ZNF677: variants seen among roughly 807,000 people sequenced by gnomAD.
ZNF677 encodes hypothetical protein MGC48625.
ZNF677 carries 5 observed loss-of-function variants against 8.1 expected under a neutral mutation model. That is an observed-to-expected ratio of 0.62 (90% CI 0.32 to 1.29). ZNF677 has a LOEUF of 1.29. ZNF677 is among the 50% of genes most tolerant of loss of function. The pLI is 0.05. For synonymous variants in ZNF677, 221 were observed against 225.6 expected, an observed-to-expected ratio of 0.98 and a Z score of 0.18; for missense variants, 685 against 685.9, an observed-to-expected ratio of 1.00 and a Z score of 0.01.
intron 2 of ZNF677, 136 bp downstream of exon 2, chr19:53,252,950 C>T (rs529442714): frequency 4.6e-5 from 7 of 152,146 alleles, no homozygotes; most frequent in Non-Finnish European, 8.8e-5. Context: ...GACCAGAAGT[C>T]TACTGAAAAC....
chr19:53,251,929 T>C (rs903388197), intron 2 of ZNF677, among the ~76,000 whole-genome samples: 1 of 152,178 alleles, frequency 6.6e-6, no homozygotes. Flanking sequence ...TGTCAGTCAA[T>C]GCAGGATATA....
At chr19:53,243,579 G>T in intron 4 of ZNF677, 165 bp downstream of exon 4, 2 of 843,772 alleles carry the variant, frequency 2.4e-6, no homozygotes, top group East Asian at 2.7e-5. Context: ...AACTTCTGAA[G>T]AAAGGGGAAG....
Position 53,237,589 on chromosome 19 carries a change from A to C in ZNF677, c.1138T>G (p.Cys380Gly). ...GAACGTTCAGCAAAGGCTTTGTCAC[A>C]TTCATTACATTTGTAAGGTTTCTCT... Reference protein sequence around the residue: ...TGEKPYKCNECDKAFAERSSL... With the variant: ...TGEKPYKCNEGDKAFAERSSL... Residue 380 changes from cysteine (C) to glycine (G), a missense_variant, in exon 5 of 5, where the codon TGT becomes GGT. By Grantham distance (159) the Cys-to-Gly change is radical. Transcript: ENST00000598513. 2 of 1,613,758 alleles carry C rather than the reference A, an allele frequency of 1.2e-6. No homozygotes were observed. The highest frequency in any genetic ancestry group is 1.1e-5 in the South Asian group (1 of 91,056).
At position 53,237,298 on chromosome 19, in the gene ZNF677, G is replaced by A. The variant is rs1200048537; in HGVS notation, c.1429C>T (p.His477Tyr). The A allele has an allele frequency of 6.2e-7, 1 of 1,613,118 alleles. No homozygotes were observed. Among genetic ancestry groups the A allele is most frequent in the Non-Finnish European group, 8.5e-7 (1 of 1,179,678 alleles). ...TTCTCTCCAGTATGAGTTCTCTGAT[G>A]ACCCCAAAGGTGTGAACGTTTGATA... ...AFIKRSHLWGHQRTHTGEKPY... is the reference protein window; with the variant it reads ...AFIKRSHLWGYQRTHTGEKPY... Residue 477 changes from histidine to tyrosine, a missense_variant, in exon 5 of 5, where the codon CAT (histidine) becomes TAT (tyrosine). Coordinates refer to ENST00000598513, the MANE Select transcript of ZNF677 (RefSeq NM_182609.4).
intron 3 of ZNF677, among the ~76,000 whole-genome samples, chr19:53,248,110 C>T (rs1278786860): frequency 1.3e-5 from 2 of 152,120 alleles, no homozygotes; most frequent in African/African-American, 4.8e-5. Context: ...CGGTTCCCTT[C>T]TTTACATTTT....
intron 3 of ZNF677, 37 bp downstream of exon 3, chr19:53,251,499 A>G (rs750922952): frequency 2.7e-5 from 43 of 1,577,646 alleles, no homozygotes; most frequent in Non-Finnish European, 3.7e-5. Context: ...TTCAGGAAGG[A>G]GAGGACAAAA....
chr19:53,244,207 T>A (rs1381074708), intron 3 of ZNF677, among the ~76,000 whole-genome samples: 2 of 151,668 alleles, frequency 1.3e-5, no homozygotes, highest in Non-Finnish European at 2.9e-5. Flanking sequence ...CTAAAAAATT[T>A]AAAAAATTAG....
chr19:53,245,529 G>A (rs778892482), intron 3 of ZNF677, among the ~76,000 whole-genome samples: 10 of 152,042 alleles, frequency 6.6e-5, no homozygotes, highest in Non-Finnish European at 1.3e-4. Context: ...ATGAAAAGGT[G>A]CTCAATATCA....
chr19:53,238,862 A>C (rs2091006317), intron 4 of ZNF677: 1 of 201,312 alleles, frequency 5.0e-6, no homozygotes, highest in Non-Finnish European at 1.0e-5. Context: ...CACTCCAAGG[A>C]ACACGTAAAT....
chr19:53,242,188 T>A (rs905296467), intron 4 of ZNF677: 1 of 397,368 alleles, frequency 2.5e-6, no homozygotes, highest in Non-Finnish European at 4.4e-6. Flanking sequence ...CACCTCGGCC[T>A]CCCAAAGTGC....
intron 4 of ZNF677, chr19:53,241,473 G>T: frequency 5.0e-6 from 1 of 200,626 alleles, no homozygotes; most frequent in Non-Finnish European, 1.0e-5. Flanking sequence ...CGTATGGGAT[G>T]AATAATGTGG....
intron 4 of ZNF677, chr19:53,241,512 G>A (rs960293339): frequency 2.3e-5 from 6 of 261,504 alleles, no homozygotes; most frequent in African/African-American, 1.1e-4. Flanking sequence ...CAACATGTTC[G>A]CAGATATGAG....
intron 4 of ZNF677, chr19:53,243,509 T>C (rs2091087426): frequency 1.8e-6 from 1 of 548,362 alleles, no homozygotes; most frequent in African/African-American, 1.9e-5. Flanking sequence ...ACGTTTTCCA[T>C]AAGGTTTTGT....
Position 53,237,511 on chromosome 19 carries a change from T to G in ZNF677, c.1216A>C (p.Asn406His). The G allele has an allele frequency of 6.2e-7, 1 of 1,613,942 alleles. No homozygotes were observed. The highest frequency in any genetic ancestry group is 8.5e-7 in the Non-Finnish European group (1 of 1,179,946). Residue 406 changes from asparagine to histidine, a missense_variant, in exon 5 of 5, where the codon AAT becomes CAT. By Grantham distance (68) the Asn-to-His change is moderately conservative. Transcript: ENST00000598513. ...TGCTTAAAAGCTTTGCCACACTCATTACATATGTAAGGCTTCTCTCCAGTA... is the reference window on the plus strand; with the variant it reads ...TGCTTAAAAGCTTTGCCACACTCATGACATATGTAAGGCTTCTCTCCAGTA... ...IHTGEKPYIC[N>H]ECGKAFKQCS...
At position 53,237,723 on chromosome 19, in the gene ZNF677, G is replaced by A. The variant is rs1568688232; in HGVS notation, c.1004C>T (p.Ala335Val). 3 of 1,613,678 alleles carry A rather than the reference G, an allele frequency of 1.9e-6. No individual in the cohort carries two copies. The highest frequency in any genetic ancestry group is 3.3e-5 in the Admixed American group (2 of 59,988). Residue 335 changes from alanine (A) to valine (V), a missense_variant, in exon 5 of 5, where the codon GCA (alanine) becomes GTA (valine). Physicochemically the swap from Ala to Val is moderately conservative, Grantham distance 64. Coordinates refer to ENST00000598513, the MANE Select transcript of ZNF677 (RefSeq NM_182609.4). Reference sequence around the variant, plus strand: ...TCCAGTATGCATCCTCTGATGACTTGCAAGATTTGAATTTTGACTACAGAC... The same window carrying A: ...TCCAGTATGCATCCTCTGATGACTTACAAGATTTGAATTTTGACTACAGAC... Reference protein sequence around the residue: ...GKVCSQNSNLASHQRMHTGEK... With the variant: ...GKVCSQNSNLVSHQRMHTGEK...
rs1181171044 is a variant in ZNF677 at position 53,238,141 on chromosome 19, G to A, written c.586C>T (p.Gln196Ter). ...CTCTGTAGTTCAGCCAGCTGTGCCT[G>A]TAAGCTTAATCCAATTTTATTTTCA... ...CFENKIGLSL[Q>*]AQLAELQRFQ... is the part of the protein sequence containing the mutation. The change falls in exon 5 of 5, where the codon CAG (glutamine) becomes TAG (stop). Residue 196 changes from glutamine (Q) to a stop codon, truncating the protein, a stop_gained. Coordinates refer to ENST00000598513, the MANE Select transcript of ZNF677 (RefSeq NM_182609.4). LOFTEE classifies it low-confidence loss of function (END_TRUNC). 9 of 1,613,440 alleles carry A rather than the reference G, an allele frequency of 5.6e-6. No homozygotes were observed. Among genetic ancestry groups the A allele is most frequent in the Non-Finnish European group, 7.6e-6 (9 of 1,179,738 alleles).
chr19:53,246,270 A>G (rs1005568126), intron 3 of ZNF677, among the ~76,000 whole-genome samples: 1 of 145,286 alleles, frequency 6.9e-6, no homozygotes, highest in Non-Finnish European at 1.5e-5. Context: ...GTGAGCCAAG[A>G]TCGCGCCACT....
intron 3 of ZNF677, among the ~76,000 whole-genome samples, chr19:53,247,146 TA>T (rs767100742): frequency 3.9e-5 from 6 of 152,238 alleles, no homozygotes; most frequent in Non-Finnish European, 5.9e-5. Context: ...TGTAGCTTTT[TA>T]AAATGTATTG....
rs1010184986 is a variant in ZNF677, at chr19:53,244,524, C to T, written c.16-627G>A. On this transcript the variant is annotated intron_variant, in intron 3 of 4. Coordinates refer to ENST00000598513, the MANE Select transcript of ZNF677 (RefSeq NM_182609.4). Reference sequence around the variant, plus strand: ...GCAGTCACTCCCCATGTGACTTTAACATGAAATAAGCTTACCCAAATAGGT... The same window carrying T: ...GCAGTCACTCCCCATGTGACTTTAATATGAAATAAGCTTACCCAAATAGGT... Among the ~76,000 whole-genome samples, 7 of 152,188 alleles carry T rather than the reference C, an allele frequency of 4.6e-5. No homozygotes were observed. The South Asian group carries it at 1.0e-3, about 22-fold the overall frequency.
Sources: allele counts gnomAD v4.1 joint callset (sites outside exome capture counted in the v4.1 genomes callset), GRCh38; gene constraint gnomAD v4.1.1; transcripts MANE v1.5; gene names NCBI Gene and HGNC (gene_info 2026-07-23, HGNC 2026-07-21).